Variants in TSEN34 observed in about 807,000 individuals in gnomAD.
TSEN34 encodes the protein tRNA splicing endonuclease subunit 34, also known as tRNA-splicing endonuclease subunit Sen34.
A neutral mutation model predicts 30.2 loss-of-function variants in TSEN34; 25 were observed. The ratio of observed to expected loss-of-function variants is 0.83; its 90% CI spans 0.60 to 1.16. The LOEUF (loss-of-function observed/expected upper bound fraction) is 1.16. TSEN34 is among the 50% of genes most tolerant of loss of function. TSEN34 has a pLI of 0.00. For missense variants in TSEN34, 475 were observed against 411.9 expected (o/e 1.15, Z -1.33); for synonymous variants, 209 against 177.4 (o/e 1.18, Z -1.41).
chr19:54,193,123 G>A (rs527905611), intron 3 of TSEN34, 52 bp from the exon 4 acceptor site: 20 of 1,610,670 alleles, frequency 1.2e-5, no homozygotes, highest in African/African-American at 5.4e-5. Context: ...TTCCCGTGGC[G>A]TCCAGCCGTC....
rs770591262 is a variant in TSEN34 at position 54,191,842 on chromosome 19, C to A, written c.365C>A (p.Ala122Asp). 14 of 1,614,140 alleles carry A rather than the reference C, an allele frequency of 8.7e-6. No individual in the cohort carries two copies. The highest frequency in any genetic ancestry group is 1.1e-5 in the Non-Finnish European group (13 of 1,180,012). The change falls in exon 2 of 4, where the codon GCT becomes GAT. Residue 122 changes from alanine (A) to aspartate (D), a missense_variant. Transcript: ENST00000396388. ...GAGAAGATTACGGAGGGCCAGGCTG[C>A]TAAGAAGCAGAAACTAGAACAGGCT... ...LLEKITEGQAAKKQKLEQASG... is the reference protein window; with the variant it reads ...LLEKITEGQADKKQKLEQASG...
intron 1 of TSEN34, 54 bp from the exon 2 acceptor site, chr19:54,191,667 C>T (rs2076706421): frequency 6.2e-6 from 10 of 1,611,602 alleles, no homozygotes; most frequent in Admixed American, 1.7e-5. Context: ...GTCAAGTTTC[C>T]TGGCTTCTGA....
In TSEN34 at chr19:54,192,335, C is replaced by A. The variant is rs1227908081; in HGVS notation, c.707C>A (p.Ala236Glu). 2 of 1,614,112 alleles carry A rather than the reference C, an allele frequency of 1.2e-6. No homozygotes were observed. The highest frequency in any genetic ancestry group is 1.1e-5 in the South Asian group (1 of 91,084). The change falls in exon 3 of 4, where the codon GCG becomes GAG. Residue 236 changes from alanine (A) to glutamate (E), a missense_variant. Physicochemically the swap from Ala to Glu is moderately radical, Grantham distance 107. Transcript: ENST00000396388. ...DLWERGFFLS[A>E]AGKFGGDFLV... is the part of the protein sequence containing the mutation. ...TGGGAGCGAGGCTTCTTCCTCAGTG[C>A]GGCTGGCAAGTTCGGAGGTGACTTC...
At position 54,192,172 on chromosome 19, in the gene TSEN34, G is replaced by A. The variant is rs1158278591; in HGVS notation, c.544G>A (p.Ala182Thr). The A allele has an allele frequency of 6.2e-7, 1 of 1,614,194 alleles. No homozygotes were observed. The highest frequency in any genetic ancestry group is 1.1e-5 in the South Asian group (1 of 91,082). ...TGGGGTAGCCCCCTTGCCCAGATCT[G>A]CTCTCCTTGTCCAGCTGGCCACTGC... ...SNGVAPLPRS[A>T]LLVQLATARP... The change falls in exon 3 of 4, where the codon GCT becomes ACT. Residue 182 changes from alanine to threonine, a missense_variant. Coordinates refer to ENST00000396388, the MANE Select transcript of TSEN34 (RefSeq NM_001077446.4).
In TSEN34 at chr19:54,192,159, C is replaced by G; in HGVS notation, c.531C>G (p.Pro177=). The G allele has an allele frequency of 2.5e-6, 4 of 1,614,234 alleles. No homozygotes were observed. Among genetic ancestry groups the G allele is most frequent in the South Asian group, 1.1e-5 (1 of 91,082 alleles). Residue 177 remains proline, a synonymous_variant, in exon 3 of 4, where the codon CCC becomes CCG. Transcript: ENST00000396388. The part of the protein sequence containing the change: ...SQAGPSNGVA[P]LPRSALLVQL... ...CAGGACCCTCAAATGGGGTAGCCCC[C>G]TTGCCCAGATCTGCTCTCCTTGTCC...
chr19:54,192,857 T>G (rs1178195675), intron 3 of TSEN34, among the ~76,000 whole-genome samples: 1 of 151,946 alleles, frequency 6.6e-6, no homozygotes, highest in Non-Finnish European at 1.5e-5. Flanking sequence ...ATACTAAAAC[T>G]AACTGGGCGT....
chr19:54,193,875 T>G lies in TSEN34; in HGVS notation c.*513T>G, dbSNP rs2076799590. The G allele has an allele frequency of 1.7e-6, 1 of 585,556 alleles. No individual in the cohort carries two copies. The highest frequency in any genetic ancestry group is 3.0e-6 in the Non-Finnish European group (1 of 330,734). 36.3% of individuals were successfully genotyped at this position (585,556 alleles called of 1,614,324 possible). The stretch of plus-strand genomic sequence containing the variant: ...AAACTTCCTTTTGAAAAGATTTCTA[T>G]GAAATTTCCCAGATGCATACAAACG... On this transcript the variant is annotated 3_prime_UTR_variant, in exon 4 of 4. Coordinates refer to ENST00000396388, the MANE Select transcript of TSEN34 (RefSeq NM_001077446.4).
At chr19:54,192,500 A>G (rs2076748867) in intron 3 of TSEN34, 127 bp downstream of exon 3, 3 of 1,274,054 alleles carry the variant, frequency 2.4e-6, no homozygotes, top group Non-Finnish European at 3.3e-6. Context: ...GCTGGTCCCT[A>G]TTCCTGGGCT....
upstream of TSEN34, chr19:54,190,944 C>T (rs1357053648): frequency 1.1e-5 from 12 of 1,057,392 alleles, no homozygotes; most frequent in South Asian, 3.6e-5. Context: ...GGGGGACGCC[C>T]ACTTTGCAAG....
intron 3 of TSEN34, among the ~76,000 whole-genome samples, chr19:54,192,685 GT>G (rs2076754746): frequency 6.6e-6 from 1 of 152,136 alleles, no homozygotes; most frequent in South Asian, 2.1e-4. Flanking sequence ...AATGATTACT[GT>G]GATCCAGAAG....
intron 3 of TSEN34, 96 bp downstream of exon 3, chr19:54,192,469 G>A (rs1375070039): frequency 7.2e-6 from 11 of 1,524,534 alleles, no homozygotes; most frequent in Non-Finnish European, 7.2e-6. Flanking sequence ...CTTAATAGAG[G>A]TGGGGTCTCT....
chr19:54,189,848 T>G, upstream of TSEN34: 1 of 168,370 alleles, frequency 5.9e-6, no homozygotes. Context: ...CGGAGCCACA[T>G]GTTTCGGCTT....
chr19:54,191,803 G>A lies in TSEN34; in HGVS notation c.326G>A (p.Arg109His). The A allele has an allele frequency of 1.2e-6, 2 of 1,614,202 alleles. No individual in the cohort carries two copies. Among genetic ancestry groups the A allele is most frequent in the Non-Finnish European group, 8.5e-7 (1 of 1,180,032 alleles). ...GCAGCTGAGGCCCGGGAGACCCGTC[G>A]TCAGGAGCTCCTGGAGAAGATTACG... ...ALAAEARETRRQELLEKITEG... is the reference protein window; with the variant it reads ...ALAAEARETRHQELLEKITEG... Residue 109 changes from arginine to histidine, a missense_variant, in exon 2 of 4, where the codon CGT becomes CAT. By Grantham distance (29) the Arg-to-His change is conservative. Coordinates refer to ENST00000396388, the MANE Select transcript of TSEN34 (RefSeq NM_001077446.4).
chr19:54,192,332 G>C lies in TSEN34; in HGVS notation c.704G>C (p.Ser235Thr), dbSNP rs1366269766. 6.2e-7 allele frequency: 1 copy of C among 1,614,198 alleles called. No homozygotes were observed. The highest frequency in any genetic ancestry group is 1.1e-5 in the South Asian group (1 of 91,090). Reference protein sequence around the residue: ...RDLWERGFFLSAAGKFGGDFL... With the variant: ...RDLWERGFFLTAAGKFGGDFL... ...CTGTGGGAGCGAGGCTTCTTCCTCA[G>C]TGCGGCTGGCAAGTTCGGAGGTGAC... Residue 235 changes from serine (S) to threonine (T), a missense_variant, in exon 3 of 4, where the codon AGT (serine) becomes ACT (threonine). Coordinates refer to ENST00000396388, the MANE Select transcript of TSEN34 (RefSeq NM_001077446.4).
Position 54,193,447 on chromosome 19 carries a change from ATCC to A in TSEN34, c.*90_*92del. ...CAGCTCTTCTCTGGGAGTCTAGAAC[ATCC>A]TCCTACCTTTCTCCGCGGTTAGTTT... is the stretch of plus-strand genomic sequence containing the variant. On this transcript the variant is annotated 3_prime_UTR_variant, in exon 4 of 4. Transcript: ENST00000396388. 6.3e-7 allele frequency: 1 copy of A among 1,591,796 alleles called. No homozygotes were observed. The highest frequency in any genetic ancestry group is 8.6e-7 in the Non-Finnish European group (1 of 1,169,396).
upstream of TSEN34, chr19:54,190,373 T>C (rs1256952390): frequency 1.3e-6 from 2 of 1,510,496 alleles, no homozygotes; most frequent in Admixed American, 2.2e-5. Flanking sequence ...GTTTATGAGG[T>C]GACTCGCTGG....
At chr19:54,192,726 T>G (rs945877691) in intron 3 of TSEN34, among the ~76,000 whole-genome samples, 2 of 152,182 alleles carry the variant, frequency 1.3e-5, no homozygotes, top group African/African-American at 4.8e-5. Context: ...GACATCAGGC[T>G]GGGCGCAATG....
rs550013350 is a variant in TSEN34 at position 54,194,203 on chromosome 19, A to G, written c.*841A>G. The G allele has an allele frequency of 6.4e-6, 1 of 156,162 alleles. No individual in the cohort carries two copies. The highest frequency in any genetic ancestry group is 1.4e-5 in the Non-Finnish European group (1 of 70,594). 9.7% of individuals were successfully genotyped at this position (156,162 alleles called of 1,614,324 possible). The stretch of plus-strand genomic sequence containing the variant: ...TGTGTATATATGTAAATATACACAC[A>G]TGTATGTATATATATGTGTGTGTAT... On this transcript the variant is annotated 3_prime_UTR_variant, in exon 4 of 4. Coordinates refer to ENST00000396388, the MANE Select transcript of TSEN34 (RefSeq NM_001077446.4).
chr19:54,193,816 C>T lies in TSEN34; in HGVS notation c.*454C>T. On this transcript the variant is annotated 3_prime_UTR_variant, in exon 4 of 4. Transcript: ENST00000396388. ...GCCTGGCCTTTCAAAATTGGTTTTT[C>T]TGACTCCTAAATCTGCACTCTTTCT... 3.2e-6 allele frequency: 2 copies of T among 629,474 alleles called. No individual in the cohort carries two copies. The highest frequency in any genetic ancestry group is 5.5e-5 in the East Asian group (2 of 36,654). The allele number at this position is 629,474 out of a possible 1,614,324, so 39.0% of individuals were successfully genotyped here.
Sources: gnomAD v4.1 joint callset for allele counts (sites outside exome capture counted in the v4.1 genomes callset) on GRCh38, gnomAD v4.1.1 for gene constraint, MANE v1.5 for transcripts, NCBI Gene and HGNC (gene_info 2026-07-23, HGNC 2026-07-21) for gene names.